Variants in UNC79 observed in about 807,000 individuals in gnomAD.
UNC79 encodes the protein unc-79 subunit of NALCN channel complex.
A neutral mutation model predicts 283.1 loss-of-function variants in UNC79; 37 were observed. That is an observed-to-expected ratio of 0.13 (90% CI 0.10 to 0.17). UNC79 has a LOEUF of 0.17. Among genes scored for constraint, UNC79 ranks in the 10% least tolerant of loss-of-function variants. The pLI is 1.00. For missense variants in UNC79, 2,272 were observed against 3,211.1 expected, an observed-to-expected ratio of 0.71 and a Z score of 7.07; for synonymous variants, 1,107 against 1,200.2, an observed-to-expected ratio of 0.92 and a Z score of 1.61.
At chr14:93,403,579 CAGAT>C (rs1566914537) in intron 1 of UNC79, among the ~76,000 whole-genome samples, 2 of 152,096 alleles carry the variant, frequency 1.3e-5, no homozygotes, top group East Asian at 3.9e-4. Flanking sequence ...CATGAGTCCT[CAGAT>C]AGAAAGTGCG....
At chr14:93,666,733 T>A (rs934445550) in intron 40 of UNC79, among the ~76,000 whole-genome samples, 36 of 152,100 alleles carry the variant, frequency 2.4e-4, no homozygotes, top group African/African-American at 8.2e-4. Flanking sequence ...ACAATAACAG[T>A]GAGCAAAGTG....
At chr14:93,476,427 G>A (rs1046680145) in intron 3 of UNC79, among the ~76,000 whole-genome samples, 2 of 152,108 alleles carry the variant, frequency 1.3e-5, no homozygotes, top group South Asian at 2.1e-4. Flanking sequence ...GCACAGCTTC[G>A]GTTAATTCTT....
Position 93,550,532 on chromosome 14 carries a change from A to AGAAAAG in UNC79, c.1755+7836_1755+7837insGAAAAG, listed in dbSNP as rs1179741952. Among the ~76,000 whole-genome samples the AGAAAAG allele has an allele frequency of 3.2e-4, 44 of 136,096 alleles. 15 individuals carry two copies. Among genetic ancestry groups the AGAAAAG allele is most frequent in the Non-Finnish European group, 4.3e-4 (28 of 64,708 alleles). The allele number at this position is 136,096 out of a possible 152,430, so 89.3% of individuals were successfully genotyped here. A position where few individuals can be genotyped will look rare whatever the true frequency, so the allele number is the denominator to read the frequency against. Reference sequence around the variant, plus strand: ...TCCGTATCAAAAAAAAAAAAAAAAAAAAAAAAAAAGAGGAAGGAGTCTTCC... The same window carrying AGAAAAG: ...TCCGTATCAAAAAAAAAAAAAAAAAAGAAAAGAAAAAAAAAGAGGAAGGAGTCTTCC... On this transcript the variant is annotated intron_variant, in intron 14 of 48. Coordinates refer to ENST00000555664, the Ensembl canonical transcript of UNC79.
intron 1 of UNC79, among the ~76,000 whole-genome samples, chr14:93,421,067 A>G (rs1031997700): frequency 1.3e-5 from 2 of 151,698 alleles, no homozygotes; most frequent in African/African-American, 2.4e-5. Context: ...AGATCAAACC[A>G]AACCCAAAAT....
At position 93,644,774 on chromosome 14, in the gene UNC79, A is replaced by G. The variant is rs574590702; in HGVS notation, c.6044+1077A>G. Among the ~76,000 whole-genome samples the G allele has an allele frequency of 6.4e-4, 98 of 152,334 alleles. 2 individuals are homozygous for G. Among genetic ancestry groups the G allele is most frequent in the African/African-American group, 2.2e-3 (93 of 41,578 alleles). ...TGACTTCAAGTTGAAGACAAATAGG[A>G]AAGCATTATAAACTCCTCAACCCCA... On this transcript the variant is annotated intron_variant, in intron 34 of 48. Coordinates refer to ENST00000555664, the Ensembl canonical transcript of UNC79.
At chr14:93,497,111 T>C (rs371583571) in intron 6 of UNC79, 46 bp from the exon 7 acceptor site, 3 of 1,577,064 alleles carry the variant, frequency 1.9e-6, no homozygotes, top group Non-Finnish European at 2.6e-6. Context: ...TACCTTTCTT[T>C]TTATTTCATG....
At chr14:93,506,066 A>G (rs1341291508) in intron 7 of UNC79, among the ~76,000 whole-genome samples, 1 of 151,694 alleles carries the variant, frequency 6.6e-6, no homozygotes. Flanking sequence ...CCCTTTTTGT[A>G]TCTCTAAGCT....
intron 1 of UNC79, among the ~76,000 whole-genome samples, chr14:93,335,955 C>T (rs771096770): frequency 2.0e-5 from 3 of 152,152 alleles, no homozygotes; most frequent in Non-Finnish European, 2.9e-5. Flanking sequence ...TTCCTTTCTC[C>T]ACTCCCTCCA....
At chr14:93,642,655 C>T (rs186749801) in intron 33 of UNC79, among the ~76,000 whole-genome samples, 1 of 152,262 alleles carries the variant, frequency 6.6e-6, no homozygotes, top group East Asian at 1.9e-4. Context: ...AAGTCTTAAT[C>T]TTTCCTATTT....
At chr14:93,517,481 T>TTG (rs1012028046) in intron 7 of UNC79, among the ~76,000 whole-genome samples, 1 of 151,594 alleles carries the variant, frequency 6.6e-6, no homozygotes, top group African/African-American at 2.4e-5. Flanking sequence ...GATTTTTTTT[T>TTG]TTTTACCAGA....
chr14:93,566,690 T>A (rs1450685542), intron 14 of UNC79, among the ~76,000 whole-genome samples: 1 of 145,148 alleles, frequency 6.9e-6, no homozygotes. Flanking sequence ...CAGGCAGGAG[T>A]GCAGTGGCAT....
chr14:93,433,989 G>A (rs2055981954), intron 1 of UNC79, among the ~76,000 whole-genome samples: 1 of 152,152 alleles, frequency 6.6e-6, no homozygotes, highest in Non-Finnish European at 1.5e-5. Flanking sequence ...CGAGGCAGGT[G>A]GATCACCTGG....
chr14:93,517,283 T>C (rs1316150582), intron 7 of UNC79, among the ~76,000 whole-genome samples: 2 of 148,528 alleles, frequency 1.3e-5, no homozygotes, highest in Non-Finnish European at 3.0e-5. Flanking sequence ...CTCTCTCTCT[T>C]ACCCTTCTTT....
At chr14:93,507,099 C>A (rs1254008119) in intron 7 of UNC79, among the ~76,000 whole-genome samples, 3 of 151,974 alleles carry the variant, frequency 2.0e-5, no homozygotes, top group Admixed American at 1.3e-4. Flanking sequence ...TTTTTTATTG[C>A]TAAGTATTCC....
intron 33 of UNC79, 59 bp downstream of exon 36, chr14:93,641,306 A>G (rs1222982131): frequency 4.0e-6 from 6 of 1,508,618 alleles, no homozygotes; most frequent in Non-Finnish European, 5.4e-6. Context: ...TGGTTACCAC[A>G]GTGGTGAGAA....
exon 30 of UNC79, chr14:93,622,203 ACGGCCCCTC>A: frequency 6.2e-7 from 1 of 1,614,132 alleles, no homozygotes; most frequent in Non-Finnish European, 8.5e-7. Flanking sequence ...CAAGGCGATG[ACGGCCCCTC>A]CGGTAAAAAT....
At chr14:93,597,250 T>A (rs1210242309) in intron 23 of UNC79, 109 bp from the exon 24 acceptor site, 2 of 1,195,736 alleles carry the variant, frequency 1.7e-6, no homozygotes, top group African/African-American at 3.1e-5. Flanking sequence ...GACCCAGAGT[T>A]AACTTTTTGT....
chr14:93,365,384 CA>C (rs34673069), intron 1 of UNC79, among the ~76,000 whole-genome samples: 3,541 of 108,168 alleles, frequency 0.033, 109 homozygotes, highest in African/African-American at 0.11. Flanking sequence ...TACTCCATCT[CA>C]AAAAAAAAAA....
chr14:93,410,160 G>A (rs1349740681), intron 1 of UNC79, among the ~76,000 whole-genome samples: 1 of 152,240 alleles, frequency 6.6e-6, no homozygotes, highest in African/African-American at 2.4e-5. Flanking sequence ...GAGTGGGTGA[G>A]TGCAGCAACT....
Sources: gnomAD v4.1 joint callset for allele counts (sites outside exome capture counted in the v4.1 genomes callset) on GRCh38, gnomAD v4.1.1 for gene constraint, MANE v1.5 for transcripts, NCBI Gene and HGNC (gene_info 2026-07-23, HGNC 2026-07-21) for gene names.